The following UGT1A9 variants were observed in gnomAD, a reference collection of about 807,000 sequenced individuals.
UGT1A9 encodes the protein UDP glucuronosyltransferase family 1 member A9, also known as UDP-glucuronosyltransferase 1A9.
UGT1A9 carries 35 observed loss-of-function variants against 45.0 expected under a neutral mutation model. That is an observed-to-expected ratio of 0.78 (90% confidence interval 0.59 to 1.03). The LOEUF (loss-of-function observed/expected upper bound fraction) is 1.03. Ranked by LOEUF, UGT1A9 falls within the 50% of genes least tolerant of loss-of-function variation. UGT1A9 has a pLI of 0.00. For synonymous variants in UGT1A9, 278 were observed against 250.6 expected, an observed-to-expected ratio of 1.11 and a Z score of -1.03; for missense variants, 687 against 666.6, an observed-to-expected ratio of 1.03 and a Z score of -0.34.
intron 1 of UGT1A9, chr2:233,754,873 T>C (rs763585549): frequency 7.4e-7 from 1 of 1,352,606 alleles, no homozygotes; most frequent in Non-Finnish European, 9.9e-7. Flanking sequence ...CCTCTGCTTC[T>C]GCTTCCCAGG....
At chr2:233,727,757 G>T (rs561921755) in intron 1 of UGT1A9, among the ~76,000 whole-genome samples, 3 of 152,264 alleles carry the variant, frequency 2.0e-5, no homozygotes. Flanking sequence ...TGCTGCCCTT[G>T]AGCTGGGTGT....
At chr2:233,719,126 A>G (rs771877893) in intron 1 of UGT1A9, 1 of 1,614,270 alleles carries the variant, frequency 6.2e-7, no homozygotes. Context: ...GGTTCTTTGA[A>G]ACAGAACATC....
chr2:233,724,372 T>A (rs2077243468), intron 1 of UGT1A9, among the ~76,000 whole-genome samples: 1 of 143,294 alleles, frequency 7.0e-6, no homozygotes, highest in Admixed American at 6.9e-5. Context: ...ACGGGGTGGC[T>A]GCCGGGCGGA....
intron 1 of UGT1A9, chr2:233,721,922 G>A: frequency 2.5e-6 from 1 of 400,722 alleles, no homozygotes; most frequent in Non-Finnish European, 5.0e-6. Flanking sequence ...CTTCCATAAA[G>A]TGACATCCTT....
At chr2:233,734,703 G>A (rs1251067187) in intron 1 of UGT1A9, among the ~76,000 whole-genome samples, 3 of 151,956 alleles carry the variant, frequency 2.0e-5, no homozygotes, top group Non-Finnish European at 4.4e-5. Flanking sequence ...CAGAGATTCT[G>A]GTATGTTGTG....
rs1693674969 is a variant in UGT1A9 at position 233,747,432 on chromosome 2, T to A, written c.856-19602T>A. ...GAATATGCACATCAAACAAGAGAAA[T>A]TTTTCACCCTGACAACCTATGCCAT... On this transcript the variant is annotated intron_variant, in intron 1 of 4. Transcript: ENST00000354728. 1.9e-6 allele frequency: 3 copies of A among 1,608,474 alleles called. No individual in the cohort carries two copies. The Admixed American group carries it at 5.0e-5, about 27-fold the overall frequency.
intron 1 of UGT1A9, chr2:233,754,702 T>A (rs1695559968): frequency 5.8e-6 from 3 of 514,810 alleles, no homozygotes; most frequent in Non-Finnish European, 1.1e-5. Context: ...GAAGTCGACA[T>A]GGACTTGAAG....
At chr2:233,692,808 G>T in intron 1 of UGT1A9, 2 of 1,410,854 alleles carry the variant, frequency 1.4e-6, no homozygotes, top group South Asian at 1.5e-5. Flanking sequence ...GGCCATAGTT[G>T]GTTCATATTA....
chr2:233,693,772 A>G (rs2075180010), intron 1 of UGT1A9: 1 of 1,614,048 alleles, frequency 6.2e-7, no homozygotes, highest in African/African-American at 1.3e-5. Flanking sequence ...GGCTGTTAAG[A>G]TATGACTTTG....
rs1692071385 is a variant in UGT1A9, at chr2:233,742,695, T to C, written c.856-24339T>C. 2.0e-5 allele frequency: 3 copies of C among 152,474 alleles called. 1 individual carries two copies. Among genetic ancestry groups the C allele is most frequent in the African/African-American group, 7.3e-5 (3 of 41,134 alleles). 9.4% of individuals were successfully genotyped at this position (152,474 alleles called of 1,614,324 possible). ...TTGTCCTCAGCCTTCAGAGGGAACA[T>C]GCTTCCACCGATTTCAGCTCAGTGA... is the stretch of plus-strand genomic sequence containing the variant. On this transcript the variant is annotated intron_variant, in intron 1 of 4. Coordinates refer to ENST00000354728, the MANE Select transcript of UGT1A9 (RefSeq NM_021027.3).
rs749953558 is a variant in UGT1A9, at chr2:233,682,638, T to C, written c.855+9849T>C. Reference sequence around the variant, plus strand: ...AATGTCTTAGAAATAGCCTCTGAAATTCTCCAAACCCCTGTCACGGCATAT... The same window carrying C: ...AATGTCTTAGAAATAGCCTCTGAAACTCTCCAAACCCCTGTCACGGCATAT... On this transcript the variant is annotated intron_variant, in intron 1 of 4. Coordinates refer to ENST00000354728, the MANE Select transcript of UGT1A9 (RefSeq NM_021027.3). 26 of 1,613,814 alleles carry C rather than the reference T, an allele frequency of 1.6e-5. No individual in the cohort carries two copies. The East Asian group carries it at 5.3e-4, about 33-fold the overall frequency.
chr2:233,713,766 G>T, intron 1 of UGT1A9: 6 of 1,613,460 alleles, frequency 3.7e-6, no homozygotes, highest in Non-Finnish European at 5.1e-6. Flanking sequence ...GCTGTTCCGA[G>T]GGGACTTTGT....
chr2:233,698,259 T>C (rs1450218227), intron 1 of UGT1A9, among the ~76,000 whole-genome samples: 3 of 152,182 alleles, frequency 2.0e-5, no homozygotes, highest in Non-Finnish European at 4.4e-5. Context: ...TTTTGTCCAA[T>C]AATCAAACCA....
chr2:233,679,142 A>T (rs533337992), intron 1 of UGT1A9, among the ~76,000 whole-genome samples: 1 of 152,272 alleles, frequency 6.6e-6, no homozygotes, highest in Admixed American at 6.5e-5. Context: ...TGAGAGACTG[A>T]ATTAGAGATG....
At chr2:233,738,180 G>A (rs566528784) in intron 1 of UGT1A9, among the ~76,000 whole-genome samples, 8 of 152,232 alleles carry the variant, frequency 5.3e-5, no homozygotes, top group African/African-American at 1.4e-4. Flanking sequence ...CATGTAAGAC[G>A]TGTCTTTGCC....
chr2:233,698,952 C>G (rs990930969), intron 1 of UGT1A9, among the ~76,000 whole-genome samples: 4 of 152,240 alleles, frequency 2.6e-5, no homozygotes, highest in Non-Finnish European at 5.9e-5. Flanking sequence ...TCTGTCCAAG[C>G]TGGCCCTTGG....
chr2:233,747,268 C>T lies in UGT1A9; in HGVS notation c.856-19766C>T, dbSNP rs567491863. On this transcript the variant is annotated intron_variant, in intron 1 of 4. Coordinates refer to ENST00000354728, the MANE Select transcript of UGT1A9 (RefSeq NM_021027.3). ...GTGGCTGGCCACAGGAGTGCTACTC[C>T]TTCTCAGTGCCCAGCCCTGGGCTGA... 3.1e-6 allele frequency: 5 copies of T among 1,599,420 alleles called. No individual in the cohort carries two copies. In the African/African-American group the frequency reaches 4.0e-5, roughly 13 times the overall value.
Position 233,704,417 on chromosome 2 carries a change from AC to A in UGT1A9, c.855+31629del, listed in dbSNP as rs57721875. Among the ~76,000 whole-genome samples, 1,452 of 152,082 alleles carry A rather than the reference AC, an allele frequency of 9.5e-3. 33 individuals are homozygous for A. Among genetic ancestry groups the A allele is most frequent in the African/African-American group, 0.033 (1,359 of 41,510 alleles). ...CAGTATCTACTTCAGATTTATACCA[AC>A]TTAATTCCAGTTAAATATTGAAATG... is the stretch of plus-strand genomic sequence containing the variant. On this transcript the variant is annotated intron_variant, in intron 1 of 4. Transcript: ENST00000354728.
At chr2:233,755,293 G>C in intron 1 of UGT1A9, 7 of 641,420 alleles carry the variant, frequency 1.1e-5, no homozygotes, top group Non-Finnish European at 1.7e-5. Context: ...AGAGCCTGCG[G>C]GGCACTGGCA....
Sources: gnomAD v4.1 joint callset for allele counts (sites outside exome capture counted in the v4.1 genomes callset) on GRCh38, gnomAD v4.1.1 for gene constraint, MANE v1.5 for transcripts, NCBI Gene and HGNC (gene_info 2026-07-23, HGNC 2026-07-21) for gene names.